Variants in ARID2 observed in about 807,000 individuals in gnomAD.
ARID2 encodes AT-rich interaction domain 2, also known as AT-rich interactive domain-containing protein 2.
ARID2 carries 32 observed loss-of-function variants against 184.6 expected under a neutral mutation model. The observed-to-expected ratio is 0.17, with a 90% CI of 0.13 to 0.23. The LOEUF is 0.23. Among genes scored for constraint, ARID2 ranks in the 10% least tolerant of loss-of-function variants. The pLI, the probability that ARID2 is intolerant of heterozygous loss-of-function variation, is 1.00. For missense variants in ARID2, 1,696 were observed against 2,197.6 expected (o/e 0.77, Z 4.56); for synonymous variants, 836 against 772.6 (o/e 1.08, Z -1.36).
At chr12:45,782,830 C>T (rs774160616) in intron 3 of ARID2, among the ~76,000 whole-genome samples, 32 of 151,218 alleles carry the variant, frequency 2.1e-4, no homozygotes, top group African/African-American at 3.7e-4. Context: ...AAAAATGGGC[C>T]GGGTGCGGTG....
rs1049630457 is a variant in ARID2, at chr12:45,852,854, G to T, written c.4731G>T (p.Lys1577Asn). 1.2e-6 allele frequency: 2 copies of T among 1,610,594 alleles called. No individual in the cohort carries two copies. The highest frequency in any genetic ancestry group is 2.7e-5 in the African/African-American group (2 of 74,840). The change falls in exon 15 of 21, where the codon AAG (lysine) becomes AAT (asparagine). Residue 1577 changes from lysine (K) to asparagine (N), a missense_variant. Coordinates refer to ENST00000334344, the MANE Select transcript of ARID2 (RefSeq NM_152641.4). ...CAATAGAAAGTGCTGTTCAGCAAAAGCAACAGCATCCACCAACATATGTAC... is the reference window on the plus strand; with the variant it reads ...CAATAGAAAGTGCTGTTCAGCAAAATCAACAGCATCCACCAACATATGTAC... ...KVAIESAVQQ[K>N]QQHPPTYVQN... is the part of the protein sequence containing the mutation.
intron 11 of ARID2, chr12:45,840,057 T>C (rs1476551579): frequency 6.6e-6 from 1 of 152,462 alleles, no homozygotes; most frequent in African/African-American, 2.4e-5. Flanking sequence ...ACTGTAATTA[T>C]AGTACAGACA....
chr12:45,787,826 T>C (rs1364053618), intron 3 of ARID2, among the ~76,000 whole-genome samples: 2 of 152,154 alleles, frequency 1.3e-5, no homozygotes, highest in Non-Finnish European at 2.9e-5. Flanking sequence ...TCACTTTGAA[T>C]GGACAAAGCT....
intron 16 of ARID2, 46 bp from the exon 17 acceptor site, chr12:45,891,734 A>G (rs1350190490): frequency 1.9e-6 from 3 of 1,585,506 alleles, no homozygotes; most frequent in African/African-American, 1.4e-5. Flanking sequence ...TAGTTTCAAA[A>G]TATACTTGAA....
rs1944258964 is a variant in ARID2 at position 45,889,596 on chromosome 12, C to T, written c.4923-2184C>T. Among the ~76,000 whole-genome samples the T allele has an allele frequency of 3.3e-5, 5 of 152,186 alleles. No individual in the cohort carries two copies. In the South Asian group the frequency reaches 1.0e-3, roughly 31 times the overall value. On this transcript the variant is annotated intron_variant, in intron 16 of 20. Transcript: ENST00000334344. ...GAAAACTCAGTATTTATTTGCTTTA[C>T]ATTTCTTTAGAGTTTAACTCTCCAA... is the stretch of plus-strand genomic sequence containing the variant.
intron 3 of ARID2, among the ~76,000 whole-genome samples, chr12:45,807,782 A>G (rs1942629007): frequency 6.6e-6 from 1 of 152,156 alleles, no homozygotes; most frequent in East Asian, 1.9e-4. Context: ...AAAGGAAGTC[A>G]TTATGTGTCC....
chr12:45,782,927 G>A (rs1942123328), intron 3 of ARID2, among the ~76,000 whole-genome samples: 2 of 151,744 alleles, frequency 1.3e-5, no homozygotes, highest in South Asian at 4.2e-4. Flanking sequence ...TGGGCAACAT[G>A]GCAAAGCCCT....
At chr12:45,829,116 C>T (rs1457070584) in intron 6 of ARID2, among the ~76,000 whole-genome samples, 2 of 151,756 alleles carry the variant, frequency 1.3e-5, no homozygotes, top group South Asian at 2.1e-4. Flanking sequence ...GTTTTTTTCC[C>T]TCATATGGAT....
rs565047264 is a variant in ARID2 at position 45,854,146 on chromosome 12, G to A, written c.4773+1250G>A. On this transcript the variant is annotated intron_variant, in intron 15 of 20. Transcript: ENST00000334344. Reference sequence around the variant, plus strand: ...TGCACGCTCCTTAGGAGAATCTAACGCCTGATGATCGGTCACTGTCTCCCA... The same window carrying A: ...TGCACGCTCCTTAGGAGAATCTAACACCTGATGATCGGTCACTGTCTCCCA... 4.6e-5 allele frequency among the ~76,000 whole-genome samples: 7 copies of A among 152,244 alleles called. No homozygotes were observed. The South Asian group carries it at 1.4e-3, about 32-fold the overall frequency.
intron 6 of ARID2, among the ~76,000 whole-genome samples, chr12:45,834,129 C>T (rs1407095697): frequency 6.6e-6 from 1 of 152,134 alleles, no homozygotes; most frequent in African/African-American, 2.4e-5. Flanking sequence ...CTTGCATTAC[C>T]TTTTTTCCAA....
At chr12:45,826,889 GAATTT>G (rs1192595456) in intron 6 of ARID2, among the ~76,000 whole-genome samples, 1 of 151,942 alleles carries the variant, frequency 6.6e-6, no homozygotes, top group Non-Finnish European at 1.5e-5. Flanking sequence ...GTTTTATTCA[GAATTT>G]AATTTGTAAC....
chr12:45,835,900 C>CA lies in ARID2; in HGVS notation c.706-678dup, dbSNP rs543677456. 4.6e-3 allele frequency among the ~76,000 whole-genome samples: 622 copies of CA among 134,470 alleles called. 8 individuals carry two copies. Among genetic ancestry groups the CA allele is most frequent in the South Asian group, 0.039 (155 of 3,984 alleles). The allele number at this position is 134,470 out of a possible 152,430, so 88.2% of individuals were successfully genotyped here. On this transcript the variant is annotated intron_variant, in intron 6 of 20. Transcript: ENST00000334344. ...GGGTGAAAAGAGCGAAACTCCATCT[C>CA]AAAAAAAAAAACAAAAACAAAAAAG...
At chr12:45,843,182 A>C (rs1241163257) in intron 11 of ARID2, among the ~76,000 whole-genome samples, 2 of 151,986 alleles carry the variant, frequency 1.3e-5, no homozygotes, top group African/African-American at 4.8e-5. Context: ...AAAAGATATT[A>C]ACAAGATATG....
chr12:45,777,718 T>A (rs1942011566), intron 3 of ARID2, among the ~76,000 whole-genome samples: 1 of 151,218 alleles, frequency 6.6e-6, no homozygotes, highest in Non-Finnish European at 1.5e-5. Context: ...TATTATACAT[T>A]AGCCTTTCTT....
At chr12:45,797,570 T>C (rs1325828855) in intron 3 of ARID2, among the ~76,000 whole-genome samples, 2 of 152,170 alleles carry the variant, frequency 1.3e-5, no homozygotes, top group Non-Finnish European at 2.9e-5. Context: ...TCTTAGTCTT[T>C]CTTGGAGATA....
intron 6 of ARID2, among the ~76,000 whole-genome samples, chr12:45,821,936 G>T (rs1942904767): frequency 6.6e-6 from 1 of 152,180 alleles, no homozygotes. Context: ...ACAAAATATA[G>T]TTGTGAATTT....
chr12:45,859,839 T>C (rs1041883411), intron 15 of ARID2, among the ~76,000 whole-genome samples: 1 of 152,184 alleles, frequency 6.6e-6, no homozygotes, highest in African/African-American at 2.4e-5. Flanking sequence ...GTTCAAGTGA[T>C]TCTCCTGCCT....
Position 45,847,131 on chromosome 12 carries a change from A to G in ARID2, c.1580+194A>G, listed in dbSNP as rs113455384. Reference sequence around the variant, plus strand: ...GGAATAATTTGAAAGAAAAATATTCATCAGAATTTTCAGAATTAAAATAGT... The same window carrying G: ...GGAATAATTTGAAAGAAAAATATTCGTCAGAATTTTCAGAATTAAAATAGT... On this transcript the variant is annotated intron_variant, in intron 12 of 20. Coordinates refer to ENST00000334344, the MANE Select transcript of ARID2 (RefSeq NM_152641.4). 2.6e-5 allele frequency among the ~76,000 whole-genome samples: 4 copies of G among 152,290 alleles called. 1 individual carries two copies. The highest frequency in any genetic ancestry group is 9.6e-5 in the African/African-American group (4 of 41,584).
In ARID2 at chr12:45,851,627, T is replaced by C. The variant is rs377067564; in HGVS notation, c.3504T>C (p.Ser1168=). 5 of 1,614,090 alleles carry C rather than the reference T, an allele frequency of 3.1e-6. No homozygotes were observed. In the African/African-American group the frequency reaches 6.7e-5, roughly 22 times the overall value. The change falls in exon 15 of 21, where the codon TCT becomes TCC. Residue 1168 remains serine (S), a synonymous_variant. Transcript: ENST00000334344. ...NSPATIFQGT[S]GNQVTITVVP... ...CAGCAACCATTTTCCAAGGGACTTC[T>C]GGCAACCAGGTAACCATAACAGTTG...
Sources: allele counts gnomAD v4.1 joint callset (sites outside exome capture counted in the v4.1 genomes callset), GRCh38; gene constraint gnomAD v4.1.1; transcripts MANE v1.5; gene names NCBI Gene and HGNC (gene_info 2026-07-23, HGNC 2026-07-21).